Variants in TMEM182 observed in about 807,000 individuals in gnomAD.
TMEM182 encodes the protein transmembrane protein 182.
A neutral mutation model predicts 26.8 loss-of-function variants in TMEM182; 20 were observed. The observed-to-expected ratio is 0.75, with a 90% CI of 0.53 to 1.09. The LOEUF is 1.09. Among genes scored for constraint, TMEM182 ranks in the 50% least tolerant of loss-of-function variants. The pLI, the probability that TMEM182 is intolerant of heterozygous loss-of-function variation, is 0.00. For missense variants in TMEM182, 277 were observed against 275.5 expected (o/e 1.01, Z -0.04); for synonymous variants, 109 against 102.2 (o/e 1.07, Z -0.40).
At chr2:102,749,244 A>ACT (rs1679805939) in intron 1 of TMEM182, among the ~76,000 whole-genome samples, 1 of 152,208 alleles carries the variant, frequency 6.6e-6, no homozygotes, top group Non-Finnish European at 1.5e-5. Flanking sequence ...GATAGTAATA[A>ACT]GGAATGAAGT....
chr2:102,753,733 A>G (rs989047351), intron 1 of TMEM182, among the ~76,000 whole-genome samples: 6 of 152,152 alleles, frequency 3.9e-5, no homozygotes, highest in African/African-American at 1.2e-4. Context: ...TTGGAATGCA[A>G]ATTTTGCCTA....
upstream of TMEM182, chr2:102,758,421 CA>C (rs2104649670): frequency 1.4e-6 from 1 of 715,766 alleles, no homozygotes; most frequent in Non-Finnish European, 2.6e-6. Flanking sequence ...TTTCAAGTGA[CA>C]GGCAAATGTC....
intron 3 of TMEM182, among the ~76,000 whole-genome samples, chr2:102,788,784 G>A (rs548327796): frequency 6.6e-6 from 1 of 152,258 alleles, no homozygotes; most frequent in African/African-American, 2.4e-5. Context: ...AGCATCTCCT[G>A]AATCGGGCAA....
At chr2:102,771,264 A>G (rs547736330) in intron 3 of TMEM182, among the ~76,000 whole-genome samples, 5 of 152,306 alleles carry the variant, frequency 3.3e-5, no homozygotes, top group African/African-American at 1.2e-4. Context: ...TCGTTCAGAC[A>G]TTTGGGATCA....
intron 3 of TMEM182, chr2:102,797,645 G>A: frequency 2.0e-6 from 1 of 511,618 alleles, no homozygotes; most frequent in Non-Finnish European, 3.4e-6. Flanking sequence ...CATTGAGCAA[G>A]AGGAGTTGAT....
At position 102,841,924 on chromosome 2, in the gene TMEM182, A is replaced by G. The variant is rs112897147; in HGVS notation, c.326-1488A>G. On this transcript the variant is annotated intron_variant, in intron 3 of 3. Transcript: ENST00000486293. ...ATTTAGAGCTCTGAGACTCCATTCC[A>G]TGACAGGGTAATTGCGAAGGTTAAA... Among the ~76,000 whole-genome samples, 320 of 152,340 alleles carry G rather than the reference A, an allele frequency of 2.1e-3. 2 individuals carry two copies. Among genetic ancestry groups the G allele is most frequent in the African/African-American group, 7.3e-3 (304 of 41,574 alleles).
chr2:102,838,973 G>C (rs1449662132), intron 3 of TMEM182, among the ~76,000 whole-genome samples: 1 of 152,224 alleles, frequency 6.6e-6, no homozygotes, highest in Non-Finnish European at 1.5e-5. Context: ...TTTCATCTGA[G>C]TGAATACCAT....
At chr2:102,831,623 G>A (rs1382379599) in intron 3 of TMEM182, among the ~76,000 whole-genome samples, 2 of 152,128 alleles carry the variant, frequency 1.3e-5, no homozygotes, top group Non-Finnish European at 2.9e-5. Context: ...TCAGTGCGGT[G>A]GTACATGCCT....
intron 3 of TMEM182, among the ~76,000 whole-genome samples, chr2:102,824,139 C>A (rs560410328): frequency 1.3e-5 from 2 of 152,212 alleles, no homozygotes; most frequent in Admixed American, 6.5e-5. Context: ...TAAGAGGTGA[C>A]GTGGGAGAAG....
chr2:102,778,251 AATATGTGATGT>A (rs1197827738), intron 3 of TMEM182, among the ~76,000 whole-genome samples: 1 of 151,854 alleles, frequency 6.6e-6, no homozygotes, highest in Non-Finnish European at 1.5e-5. Flanking sequence ...GCTTTTTATC[AATATGTGATGT>A]TTTTAGTAGT....
intron 3 of TMEM182, 145 bp downstream of exon 3, chr2:102,764,572 T>C: frequency 1.7e-6 from 1 of 579,976 alleles, no homozygotes; most frequent in Non-Finnish European, 2.8e-6. Context: ...TTAAAAAATG[T>C]TATTTTTAAT....
intron 3 of TMEM182, among the ~76,000 whole-genome samples, chr2:102,789,021 G>T (rs1681523004): frequency 6.6e-6 from 1 of 152,166 alleles, no homozygotes; most frequent in Admixed American, 6.5e-5. Flanking sequence ...GGAGATGAAG[G>T]CCAGGCTTGC....
At position 102,826,009 on chromosome 2, in the gene TMEM182, A is replaced by G. The variant is rs79338321; in HGVS notation, c.326-17403A>G. Among the ~76,000 whole-genome samples, 1,289 of 152,328 alleles carry G rather than the reference A, an allele frequency of 8.5e-3. 20 individuals carry two copies. The highest frequency in any genetic ancestry group is 0.03 in the African/African-American group (1,240 of 41,564). On this transcript the variant is annotated intron_variant, in intron 3 of 3. Transcript: ENST00000486293. ...AACAATTGCTTGAGGCTACATGTTGAGTTAGTTGCATGAATTAACAACTGA... is the reference window on the plus strand; with the variant it reads ...AACAATTGCTTGAGGCTACATGTTGGGTTAGTTGCATGAATTAACAACTGA...
chr2:102,753,890 A>G (rs1026211585), intron 1 of TMEM182, among the ~76,000 whole-genome samples: 1 of 152,216 alleles, frequency 6.6e-6, no homozygotes, highest in Non-Finnish European at 1.5e-5. Context: ...ATTGTCCTAT[A>G]TAGTTTATTT....
At chr2:102,766,521 C>T (rs985572630) in intron 3 of TMEM182, among the ~76,000 whole-genome samples, 1 of 152,142 alleles carries the variant, frequency 6.6e-6, no homozygotes, top group African/African-American at 2.4e-5. Flanking sequence ...AAGTTTCACT[C>T]ATCTCCATAA....
chr2:102,810,521 G>A (rs1365538598), intron 4 of TMEM182, among the ~76,000 whole-genome samples: 1 of 152,018 alleles, frequency 6.6e-6, no homozygotes, highest in Non-Finnish European at 1.5e-5. Context: ...TTGAATTCAC[G>A]GCATTTAAAG....
chr2:102,819,200 T>A (rs1682857957), downstream of TMEM182, among the ~76,000 whole-genome samples: 1 of 152,340 alleles, frequency 6.6e-6, no homozygotes, highest in Non-Finnish European at 1.5e-5. Flanking sequence ...ACTGCCACTG[T>A]TAAAAAATTT....
intron 1 of TMEM182, among the ~76,000 whole-genome samples, chr2:102,739,130 T>A (rs1281139299): frequency 6.6e-6 from 1 of 152,192 alleles, no homozygotes; most frequent in African/African-American, 2.4e-5. Context: ...TCTGATTATA[T>A]GAGGAAAAGA....
rs1228669761 is a variant in TMEM182 at position 102,762,289 on chromosome 2, T to C, written c.72T>C (p.Ala24=). The C allele has an allele frequency of 1.2e-6, 2 of 1,613,868 alleles. No homozygotes were observed. The highest frequency in any genetic ancestry group is 2.7e-5 in the African/African-American group (2 of 74,904). The change falls in exon 1 of 5, where the codon GCT becomes GCC. Residue 24 remains alanine, a synonymous_variant. Coordinates refer to ENST00000412401, the MANE Select transcript of TMEM182 (RefSeq NM_144632.5). The part of the protein sequence containing the change: ...GALGVLLFLV[A]FGSDYWLLAT... ...TGGGGGTGTTACTCTTTTTGGTGGC[T>C]TTTGGATCGGATTATTGGCTTCTTG...
Sources: gnomAD v4.1 joint callset for allele counts (sites outside exome capture counted in the v4.1 genomes callset) on GRCh38, gnomAD v4.1.1 for gene constraint, MANE v1.5 for transcripts, NCBI Gene and HGNC (gene_info 2026-07-23, HGNC 2026-07-21) for gene names.